Variants in MEIS2 observed in about 807,000 individuals in gnomAD.
MEIS2 encodes the protein Meis homeobox 2.
A neutral mutation model predicts 58.6 loss-of-function variants in MEIS2; 9 were observed. The ratio of observed to expected loss-of-function variants is 0.15; its 90% CI spans 0.09 to 0.27. The LOEUF is 0.27. Ranked by LOEUF, MEIS2 falls within the 10% of genes least tolerant of loss-of-function variation. MEIS2 has a pLI of 1.00. For missense variants in MEIS2, 427 were observed against 635.0 expected (o/e 0.67, Z 3.52); for synonymous variants, 221 against 228.4 (o/e 0.97, Z 0.29).
Position 36,892,167 on chromosome 15 carries a change from C to G in MEIS2, c.*6G>C. 6.2e-7 allele frequency: 1 copy of G among 1,614,028 alleles called. No individual in the cohort carries two copies. The highest frequency in any genetic ancestry group is 2.2e-5 in the East Asian group (1 of 44,882). ...TGTGTTTCCTTTTCCCTTGAGTTCC[C>G]TTATACTATTGGGCATGAATGTCCA... On this transcript the variant is annotated 3_prime_UTR_variant, in exon 12 of 12. Coordinates refer to ENST00000561208, the MANE Select transcript of MEIS2 (RefSeq NM_170675.5).
In MEIS2 at chr15:37,036,913, A is replaced by G; in HGVS notation, c.801T>C (p.Asp267=). ...NSVASPGTGD[D]DDPDKDKKRQ... is the part of the protein sequence containing the mutation. ...GTTTTTTGTCCTTATCCGGATCATC[A>G]TCGTCACCTGTACCAGGTGAAGCTA... is the stretch of plus-strand genomic sequence containing the variant. Residue 267 remains aspartate (D), a synonymous_variant, in exon 8 of 12, where the codon GAT becomes GAC. Transcript: ENST00000561208. 1 of 1,613,930 alleles carries G rather than the reference A, an allele frequency of 6.2e-7. No homozygotes were observed. The highest frequency in any genetic ancestry group is 8.5e-7 in the Non-Finnish European group (1 of 1,179,978).
At chr15:37,051,242 A>T (rs2062906196) in intron 7 of MEIS2, among the ~76,000 whole-genome samples, 2 of 152,236 alleles carry the variant, frequency 1.3e-5, no homozygotes, top group South Asian at 4.1e-4. Flanking sequence ...TTGAGTGGAT[A>T]AACAAACTGT....
intron 8 of MEIS2, among the ~76,000 whole-genome samples, chr15:36,984,666 G>A (rs1221282271): frequency 6.6e-6 from 1 of 152,106 alleles, no homozygotes; most frequent in African/African-American, 2.4e-5. Context: ...AAGGACTGGT[G>A]TTAATTCTTC....
intron 8 of MEIS2, among the ~76,000 whole-genome samples, chr15:36,980,382 T>C (rs1401725695): frequency 3.3e-5 from 5 of 152,170 alleles, no homozygotes; most frequent in East Asian, 3.8e-4. Flanking sequence ...AGAGGTTTAA[T>C]TGGAATTATA....
intron 8 of MEIS2, among the ~76,000 whole-genome samples, chr15:36,978,420 T>C (rs2059827654): frequency 6.6e-6 from 1 of 152,228 alleles, no homozygotes; most frequent in African/African-American, 2.4e-5. Flanking sequence ...CCAGGATCTG[T>C]GCTCTTATCG....
chr15:37,080,609 C>T (rs1204086998), intron 7 of MEIS2, among the ~76,000 whole-genome samples: 1 of 152,116 alleles, frequency 6.6e-6, no homozygotes, highest in Admixed American at 6.6e-5. Context: ...TATTATCAAA[C>T]CCCATTTTAC....
intron 8 of MEIS2, among the ~76,000 whole-genome samples, chr15:37,007,732 A>G (rs1016651628): frequency 1.3e-4 from 20 of 152,234 alleles, no homozygotes; most frequent in Admixed American, 8.5e-4. Flanking sequence ...TCTGTTCCTC[A>G]TTCTGATTCT....
chr15:36,955,899 C>T (rs915851335), intron 8 of MEIS2, among the ~76,000 whole-genome samples: 12 of 151,294 alleles, frequency 7.9e-5, no homozygotes, highest in South Asian at 4.2e-4. Context: ...ATTTTGGGGC[C>T]GGGTGCGGTG....
chr15:36,896,844 T>C, intron 9 of MEIS2, 158 bp from the exon 10 acceptor site: 9 of 638,548 alleles, frequency 1.4e-5, no homozygotes, highest in Non-Finnish European at 2.5e-5. Flanking sequence ...TCAAAAATAG[T>C]TGACTGGGTA....
chr15:37,005,381 C>T (rs986383541), intron 8 of MEIS2, among the ~76,000 whole-genome samples: 14 of 152,180 alleles, frequency 9.2e-5, no homozygotes, highest in Admixed American at 1.3e-4. Flanking sequence ...ACTGAAAGCA[C>T]GAATGGAACA....
At chr15:37,094,659 G>A in intron 4 of MEIS2, 82 bp from the exon 5 acceptor site, 1 of 1,219,730 alleles carries the variant, frequency 8.2e-7, no homozygotes, top group Non-Finnish European at 1.2e-6. Context: ...GGTGAGGATG[G>A]TGGTGAGAAA....
intron 8 of MEIS2, among the ~76,000 whole-genome samples, chr15:36,983,542 C>T (rs560682483): frequency 6.6e-6 from 1 of 152,004 alleles, no homozygotes; most frequent in Non-Finnish European, 1.5e-5. Context: ...GTTTTGATTA[C>T]TATAGCTTTG....
At chr15:36,960,574 T>C (rs2059147011) in intron 8 of MEIS2, among the ~76,000 whole-genome samples, 1 of 152,096 alleles carries the variant, frequency 6.6e-6, no homozygotes, top group Admixed American at 6.6e-5. Context: ...CTCTAAGGTA[T>C]AAAACAACAG....
At chr15:37,010,727 A>C (rs1044834173) in intron 8 of MEIS2, among the ~76,000 whole-genome samples, 6 of 152,244 alleles carry the variant, frequency 3.9e-5, no homozygotes, top group African/African-American at 1.4e-4. Flanking sequence ...CGTTATTCAG[A>C]TCAGCTGTTT....
Position 36,943,070 on chromosome 15 carries a change from A to T in MEIS2, c.977+7254T>A, listed in dbSNP as rs2058430859. On this transcript the variant is annotated intron_variant, in intron 9 of 11. Transcript: ENST00000561208. Reference sequence around the variant, plus strand: ...TTTAAAATACAATTTTACTTTATCCATCTGTGACTGGGGCTAGGAATACTT... The same window carrying T: ...TTTAAAATACAATTTTACTTTATCCTTCTGTGACTGGGGCTAGGAATACTT... Among the ~76,000 whole-genome samples, 11 of 152,144 alleles carry T rather than the reference A, an allele frequency of 7.2e-5. No homozygotes were observed. The South Asian group carries it at 1.9e-3, about 26-fold the overall frequency.
rs1894621163 is a variant in MEIS2, at chr15:37,098,383, A to AGAGAGG, written c.13-185_13-184insCCTCTC. The stretch of plus-strand genomic sequence containing the variant: ...AGGAGGAAAAGGAGGAGAGGGGGAG[A>AGAGAGG]GAGAGAGAGAGAGAGAGAGAGAGAG... On this transcript the variant is annotated intron_variant, in intron 1 of 11. Transcript: ENST00000561208. 5 of 498,480 alleles carry AGAGAGG rather than the reference A, an allele frequency of 1.0e-5. 1 individual carries two copies. In the African/African-American group the frequency reaches 2.5e-4, roughly 25 times the overall value. 30.9% of individuals were successfully genotyped at this position (498,480 alleles called of 1,614,324 possible).
chr15:36,955,816 C>T (rs1432755075), intron 8 of MEIS2, among the ~76,000 whole-genome samples: 1 of 151,870 alleles, frequency 6.6e-6, no homozygotes, highest in African/African-American at 2.4e-5. Context: ...ATTCAAATTT[C>T]TATATTTTCT....
At chr15:36,976,593 A>G (rs1781472411) in intron 8 of MEIS2, among the ~76,000 whole-genome samples, 1 of 151,744 alleles carries the variant, frequency 6.6e-6, no homozygotes, top group Admixed American at 6.6e-5. Flanking sequence ...GACTGAAGGC[A>G]CAGGTGCTAT....
rs189249654 is a variant in MEIS2 at position 36,930,504 on chromosome 15, C to T, written c.977+19820G>A. Reference sequence around the variant, plus strand: ...GCAAACATATAGGTTTAAAGACCCTCGATGAGCGATATGCATTATCGCTCA... The same window carrying T: ...GCAAACATATAGGTTTAAAGACCCTTGATGAGCGATATGCATTATCGCTCA... On this transcript the variant is annotated intron_variant, in intron 9 of 11. Transcript: ENST00000561208. 2.0e-5 allele frequency among the ~76,000 whole-genome samples: 3 copies of T among 152,224 alleles called. No homozygotes were observed. The East Asian group carries it at 5.8e-4, about 29-fold the overall frequency.
Sources: allele counts gnomAD v4.1 joint callset (sites outside exome capture counted in the v4.1 genomes callset), GRCh38; gene constraint gnomAD v4.1.1; transcripts MANE v1.5; gene names NCBI Gene and HGNC (gene_info 2026-07-23, HGNC 2026-07-21).